FGF12: variants seen among roughly 807,000 people sequenced by gnomAD.
The protein encoded by FGF12 is fibroblast growth factor 12, also known as fibroblast growth factor 12B.
In FGF12, 14 loss-of-function variants were observed where a neutral mutation model predicts 23.6. That is an observed-to-expected ratio of 0.59 (90% confidence interval 0.39 to 0.93). The LOEUF is 0.93. FGF12 is among the 40% of genes least tolerant of loss of function. The probability of loss-of-function intolerance (pLI) is 0.00; values close to 1 mark genes in which losing one functional copy is unlikely to be tolerated. For missense variants in FGF12, 175 were observed against 217.8 expected, an observed-to-expected ratio of 0.80 and a Z score of 1.24; for synonymous variants, 62 against 77.3, an observed-to-expected ratio of 0.80 and a Z score of 1.04.
At chr3:192,473,295 G>C (rs1348181935) in intron 2 of FGF12, among the ~76,000 whole-genome samples, 1 of 152,134 alleles carries the variant, frequency 6.6e-6, no homozygotes, top group Non-Finnish European at 1.5e-5. Context: ...TGATTTCCTT[G>C]TGCTTTCACT....
Position 192,378,105 on chromosome 3 carries a change from C to CTGTCTTTCTTTCTTT in FGF12, c.14-17568_14-17567insAAAGAAAGAAAGACA, listed in dbSNP as rs61011861. 5.2e-4 allele frequency among the ~76,000 whole-genome samples: 48 copies of CTGTCTTTCTTTCTTT among 92,038 alleles called. 1 individual carries two copies. Among genetic ancestry groups the CTGTCTTTCTTTCTTT allele is most frequent in the Admixed American group, 1.1e-3 (10 of 8,942 alleles). The allele number at this position is 92,038 out of a possible 152,430, so 60.4% of individuals were successfully genotyped here. On this transcript the variant is annotated intron_variant, in intron 2 of 5. Transcript: ENST00000445105. ...TTCTTTCTTTCTTTCTTCTTTCTTT[C>CTGTCTTTCTTTCTTT]CTTCTTTCTCTCTTTGTTTTTTTTT...
At chr3:192,471,685 T>A (rs889242871) in intron 2 of FGF12, among the ~76,000 whole-genome samples, 1 of 152,218 alleles carries the variant, frequency 6.6e-6, no homozygotes, top group African/African-American at 2.4e-5. Context: ...TTGATAGATA[T>A]AAGCTGCTCT....
intron 2 of FGF12, among the ~76,000 whole-genome samples, chr3:192,413,796 G>A (rs983438517): frequency 3.3e-5 from 5 of 152,228 alleles, no homozygotes; most frequent in Non-Finnish European, 7.3e-5. Context: ...CTGACTCAAA[G>A]TCGGGTGAAT....
chr3:192,489,505 C>A (rs2108824987), intron 2 of FGF12, among the ~76,000 whole-genome samples: 1 of 152,140 alleles, frequency 6.6e-6, no homozygotes, highest in African/African-American at 2.4e-5. Context: ...GGTAACTAAT[C>A]ATAATCAACG....
intron 2 of FGF12, among the ~76,000 whole-genome samples, chr3:192,525,646 C>T (rs1201624973): frequency 6.6e-6 from 1 of 152,200 alleles, no homozygotes; most frequent in Non-Finnish European, 1.5e-5. Context: ...TCTTCAGAAA[C>T]TTTTCATTGT....
intron 4 of FGF12, among the ~76,000 whole-genome samples, chr3:192,173,090 T>C: frequency 6.7e-6 from 1 of 150,346 alleles, no homozygotes; most frequent in East Asian, 1.9e-4. Context: ...AATAAGCAAA[T>C]CCGGAGATAG....
intron 4 of FGF12, among the ~76,000 whole-genome samples, chr3:192,200,119 C>T (rs950715206): frequency 3.5e-4 from 53 of 150,628 alleles, no homozygotes; most frequent in African/African-American, 1.3e-3. Context: ...GAGTTTGTGA[C>T]CAGCCTGGGC....
intron 2 of FGF12, among the ~76,000 whole-genome samples, chr3:192,392,032 A>G (rs775530700): frequency 2.6e-5 from 4 of 152,214 alleles, no homozygotes; most frequent in African/African-American, 4.8e-5. Context: ...AGAATTCCAA[A>G]GCCACTCCCG....
chr3:192,161,178 C>T (rs1184066573), intron 5 of FGF12, among the ~76,000 whole-genome samples: 1 of 151,932 alleles, frequency 6.6e-6, no homozygotes, highest in Admixed American at 6.6e-5. Context: ...AGGCATGACC[C>T]CTAACCACCA....
chr3:192,440,662 T>A (rs1722177188), intron 2 of FGF12, among the ~76,000 whole-genome samples: 1 of 152,214 alleles, frequency 6.6e-6, no homozygotes, highest in African/African-American at 2.4e-5. Flanking sequence ...GTTTTGCAGA[T>A]GGTAAGAGGT....
chr3:192,529,317 A>G (rs1452242655), intron 2 of FGF12, among the ~76,000 whole-genome samples: 1 of 152,190 alleles, frequency 6.6e-6, no homozygotes, highest in East Asian at 1.9e-4. Flanking sequence ...ACACATAACA[A>G]GAGACCTTTG....
intron 2 of FGF12, among the ~76,000 whole-genome samples, chr3:192,636,340 C>A (rs80340589): frequency 6.6e-6 from 1 of 152,118 alleles, no homozygotes; most frequent in Non-Finnish European, 1.5e-5. Context: ...TCAAGTTCCA[C>A]ATTTTGAGGG....
rs1718943454 is a variant in FGF12 at position 192,230,033 on chromosome 3, A to G, written c.229-59377T>C. Among the ~76,000 whole-genome samples the G allele has an allele frequency of 1.3e-5, 2 of 152,142 alleles. 1 individual carries two copies. The highest frequency in any genetic ancestry group is 4.1e-4 in the South Asian group (2 of 4,830). On this transcript the variant is annotated intron_variant, in intron 4 of 5. Coordinates refer to ENST00000445105, the MANE Select transcript of FGF12 (RefSeq NM_004113.6). ...TTATTACCTAACATCTTTCTACTTA[A>G]GCTGTGGTCACAGCGCAATGGCATC...
chr3:192,452,634 C>T (rs1038039772), intron 2 of FGF12, among the ~76,000 whole-genome samples: 6 of 152,174 alleles, frequency 3.9e-5, no homozygotes, highest in African/African-American at 1.4e-4. Context: ...CTCCAGGGAA[C>T]ACTACACAAA....
chr3:192,282,462 T>C (rs953423146), intron 4 of FGF12, among the ~76,000 whole-genome samples: 3 of 152,166 alleles, frequency 2.0e-5, no homozygotes, highest in African/African-American at 7.2e-5. Flanking sequence ...CGTCCCTCCA[T>C]ACTCCCACTA....
intron 4 of FGF12, among the ~76,000 whole-genome samples, chr3:192,261,529 G>A (rs1447835866): frequency 6.6e-6 from 1 of 152,164 alleles, no homozygotes; most frequent in Non-Finnish European, 1.5e-5. Context: ...TCTAATTACT[G>A]AATTGGCACT....
intron 2 of FGF12, among the ~76,000 whole-genome samples, chr3:192,637,097 T>C (rs1258837430): frequency 6.6e-6 from 1 of 152,188 alleles, no homozygotes; most frequent in Non-Finnish European, 1.5e-5. Context: ...TATTCTTCCT[T>C]TTATAGCGTC....
intron 4 of FGF12, among the ~76,000 whole-genome samples, chr3:192,246,913 A>C (rs1327740804): frequency 8.2e-6 from 1 of 122,680 alleles, no homozygotes; most frequent in African/African-American, 3.9e-5. Flanking sequence ...AGAAAGAAAG[A>C]GAAAAAGAAA....
intron 2 of FGF12, among the ~76,000 whole-genome samples, chr3:192,437,564 T>C (rs1387602654): frequency 2.2e-4 from 33 of 151,940 alleles, no homozygotes; most frequent in Non-Finnish European, 1.5e-5. Flanking sequence ...TGGTGGTGGG[T>C]GCCTGTAATC....
Sources: gnomAD v4.1 joint callset for allele counts (sites outside exome capture counted in the v4.1 genomes callset) on GRCh38, gnomAD v4.1.1 for gene constraint, MANE v1.5 for transcripts, NCBI Gene and HGNC (gene_info 2026-07-23, HGNC 2026-07-21) for gene names.